The following SOX5 variants were observed in gnomAD, a reference collection of about 807,000 sequenced individuals.
The protein encoded by SOX5 is SRY-box transcription factor 5, also known as transcription factor SOX-5.
Under a neutral mutation model 92.0 loss-of-function variants are expected in SOX5, and 9 were observed. That is an observed-to-expected ratio of 0.10 (90% CI 0.06 to 0.17). The LOEUF (loss-of-function observed/expected upper bound fraction) is 0.17, where lower values mean the gene tolerates loss of function less well. Ranked by LOEUF, SOX5 falls within the 10% of genes least tolerant of loss-of-function variation. SOX5 has a pLI of 1.00. For synonymous variants in SOX5, 344 were observed against 336.3 expected (o/e 1.02, Z -0.25); for missense variants, 642 against 944.5 (o/e 0.68, Z 4.20).
intron 3 of SOX5, among the ~76,000 whole-genome samples, chr12:24,216,386 G>C (rs937095606): frequency 1.3e-5 from 2 of 152,056 alleles, no homozygotes; most frequent in Non-Finnish European, 2.9e-5. Flanking sequence ...CCGGAGGCTG[G>C]GGCAGGAGAA....
chr12:23,908,960 C>T (rs1456859116), intron 1 of SOX5, among the ~76,000 whole-genome samples: 2 of 151,930 alleles, frequency 1.3e-5, no homozygotes, highest in African/African-American at 4.8e-5. Flanking sequence ...TAGCACATGC[C>T]CTGTTGTTTT....
chr12:24,189,093 C>T (rs1463918818), intron 4 of SOX5, among the ~76,000 whole-genome samples: 1 of 152,076 alleles, frequency 6.6e-6, no homozygotes, highest in Non-Finnish European at 1.5e-5. Context: ...AACTTTTTCC[C>T]ATGTGTGTCT....
intron 3 of SOX5, among the ~76,000 whole-genome samples, chr12:23,816,081 A>G (rs1364697972): frequency 6.6e-6 from 1 of 152,224 alleles, no homozygotes; most frequent in African/African-American, 2.4e-5. Flanking sequence ...CATAAATGGA[A>G]GAACATTCTT....
At chr12:23,604,229 G>A in intron 9 of SOX5, 158 bp downstream of exon 9, 1 of 636,980 alleles carries the variant, frequency 1.6e-6, no homozygotes, top group Non-Finnish European at 2.8e-6. Flanking sequence ...AATGTATGCA[G>A]ATAAGTTGAC....
At chr12:24,479,444 T>C (rs1317466238) in intron 1 of SOX5, among the ~76,000 whole-genome samples, 1 of 152,222 alleles carries the variant, frequency 6.6e-6, no homozygotes, top group Non-Finnish European at 1.5e-5. Context: ...CCTCATTTAA[T>C]CTTTGCAACA....
At chr12:24,335,701 C>T (rs1595701943) in intron 2 of SOX5, among the ~76,000 whole-genome samples, 1 of 152,058 alleles carries the variant, frequency 6.6e-6, no homozygotes, top group East Asian at 1.9e-4. Context: ...TTAGGGAAGA[C>T]AGTGCTGGCA....
intron 4 of SOX5, among the ~76,000 whole-genome samples, chr12:24,010,282 C>T (rs571036520): frequency 3.9e-5 from 6 of 152,214 alleles, no homozygotes; most frequent in South Asian, 2.1e-4. Context: ...GGTTTTGTTT[C>T]CTCACATACC....
intron 2 of SOX5, among the ~76,000 whole-genome samples, chr12:24,315,493 T>C (rs564518734): frequency 6.6e-6 from 1 of 152,190 alleles, no homozygotes; most frequent in South Asian, 2.1e-4. Flanking sequence ...ATTTGTAAGG[T>C]TTTTTGTGCA....
chr12:24,524,901 T>C (rs558318250), intron 1 of SOX5, among the ~76,000 whole-genome samples: 3 of 152,122 alleles, frequency 2.0e-5, no homozygotes, highest in South Asian at 2.1e-4. Flanking sequence ...ATGTTTGAGA[T>C]TGCAGTGAGC....
intron 1 of SOX5, among the ~76,000 whole-genome samples, chr12:24,521,991 T>A (rs1950302051): frequency 6.8e-6 from 1 of 147,652 alleles, no homozygotes. Flanking sequence ...GAAAAAAAAA[T>A]CAGCAAAAGA....
At chr12:23,941,706 A>G (rs1943679188) in intron 1 of SOX5, among the ~76,000 whole-genome samples, 1 of 151,602 alleles carries the variant, frequency 6.6e-6, no homozygotes, top group South Asian at 2.1e-4. Context: ...ATATTCAGTT[A>G]TCACTCAAGA....
intron 2 of SOX5, among the ~76,000 whole-genome samples, chr12:23,846,892 T>C (rs533201338): frequency 6.6e-6 from 1 of 152,270 alleles, no homozygotes; most frequent in East Asian, 1.9e-4. Flanking sequence ...TTAATCCTCA[T>C]TTGCCCTATA....
intron 6 of SOX5, among the ~76,000 whole-genome samples, chr12:23,676,522 G>C (rs1053293039): frequency 6.6e-6 from 1 of 152,120 alleles, no homozygotes; most frequent in Non-Finnish European, 1.5e-5. Context: ...CTTGGTGCCA[G>C]GTATTGTTAT....
At chr12:24,103,060 G>A (rs17408255) in intron 4 of SOX5, among the ~76,000 whole-genome samples, 4,893 of 152,226 alleles carry the variant, frequency 0.032, 134 homozygotes, top group Middle Eastern at 0.12. Flanking sequence ...AGACAATTTC[G>A]GATTGAACCC....
At chr12:23,581,187 C>T (rs913366363) in intron 9 of SOX5, among the ~76,000 whole-genome samples, 2 of 151,924 alleles carry the variant, frequency 1.3e-5, no homozygotes, top group Admixed American at 6.6e-5. Context: ...CTTTTCAAGT[C>T]TTTGTTAAGG....
At chr12:23,687,549 T>C (rs2087827544) in intron 6 of SOX5, among the ~76,000 whole-genome samples, 1 of 152,052 alleles carries the variant, frequency 6.6e-6, no homozygotes, top group African/African-American at 2.4e-5. Flanking sequence ...TTTAAATATA[T>C]CTAAACCCTT....
intron 3 of SOX5, among the ~76,000 whole-genome samples, chr12:23,782,764 C>G (rs1010899990): frequency 6.6e-6 from 1 of 152,028 alleles, no homozygotes. Flanking sequence ...TTCAGTATTC[C>G]GAACTTAGGA....
chr12:23,859,688 T>C (rs530383212), intron 2 of SOX5, among the ~76,000 whole-genome samples: 4 of 152,150 alleles, frequency 2.6e-5, no homozygotes, highest in Non-Finnish European at 5.9e-5. Context: ...TAATAAAAAC[T>C]TGCTGGTTTT....
chr12:24,331,653 T>G (rs532855282), intron 2 of SOX5, among the ~76,000 whole-genome samples: 57 of 151,596 alleles, frequency 3.8e-4, no homozygotes, highest in African/African-American at 1.2e-3. Flanking sequence ...ATCGAGACCA[T>G]CCTGGCCAAC....
Sources: gnomAD v4.1 joint callset for allele counts (sites outside exome capture counted in the v4.1 genomes callset) on GRCh38, gnomAD v4.1.1 for gene constraint, MANE v1.5 for transcripts, NCBI Gene and HGNC (gene_info 2026-07-23, HGNC 2026-07-21) for gene names.